CIT: variants seen among roughly 807,000 people sequenced by gnomAD.
The protein encoded by CIT is citron Rho-interacting kinase.
A neutral mutation model predicts 272.7 loss-of-function variants in CIT; 79 were observed. The observed-to-expected ratio is 0.29, with a 90% CI of 0.24 to 0.35. The LOEUF (loss-of-function observed/expected upper bound fraction) is 0.35. Among genes scored for constraint, CIT ranks in the 10% least tolerant of loss-of-function variants. The probability of loss-of-function intolerance (pLI) is 1.00; values close to 1 mark genes in which losing one functional copy is unlikely to be tolerated. For synonymous variants in CIT, 948 were observed against 995.6 expected (o/e 0.95, Z 0.90); for missense variants, 1,909 against 2,618.3 (o/e 0.73, Z 5.91).
At chr12:119,763,123 C>T (rs1962019149) in intron 19 of CIT, among the ~76,000 whole-genome samples, 1 of 152,008 alleles carries the variant, frequency 6.6e-6, no homozygotes, top group African/African-American at 2.4e-5. Context: ...GAAAGATAAA[C>T]AAGATATATG....
chr12:119,769,959 T>C (rs1444575962), intron 18 of CIT, among the ~76,000 whole-genome samples: 1 of 152,096 alleles, frequency 6.6e-6, no homozygotes, highest in East Asian at 1.9e-4. Context: ...CGACCTTGCC[T>C]CCTTAGGGTG....
intron 9 of CIT, among the ~76,000 whole-genome samples, chr12:119,813,462 G>C (rs184268905): frequency 1.3e-5 from 2 of 152,126 alleles, no homozygotes; most frequent in Non-Finnish European, 1.5e-5. Flanking sequence ...TTCACCCTCA[G>C]AAAATGAGCA....
chr12:119,751,292 T>C (rs1183934620), intron 23 of CIT, among the ~76,000 whole-genome samples: 2 of 152,124 alleles, frequency 1.3e-5, no homozygotes, highest in African/African-American at 2.4e-5. Context: ...TCAAGTTAAG[T>C]TGGCATTTCA....
intron 27 of CIT, among the ~76,000 whole-genome samples, chr12:119,729,800 G>A (rs1347860026): frequency 3.3e-5 from 5 of 152,032 alleles, no homozygotes; most frequent in African/African-American, 7.3e-5. Flanking sequence ...AAATCAGATC[G>A]TTATTTTATT....
At chr12:119,775,717 G>T in intron 16 of CIT, 69 bp downstream of exon 16, 2 of 1,240,884 alleles carry the variant, frequency 1.6e-6, no homozygotes, top group Non-Finnish European at 2.4e-6. Flanking sequence ...TCGTGCTCTG[G>T]GACAAGGCAA....
Position 119,735,202 on chromosome 12 carries a change from C to T in CIT, c.3114G>A (p.Arg1038=), listed in dbSNP as rs1185161954. 1.2e-6 allele frequency: 2 copies of T among 1,614,118 alleles called. No homozygotes were observed. The highest frequency in any genetic ancestry group is 8.5e-7 in the Non-Finnish European group (1 of 1,180,024). The change falls in exon 25 of 48, where the codon CGG becomes CGA. Residue 1038 remains arginine, a synonymous_variant. Transcript: ENST00000392521. ...GCTGCATCTCTCGTTCCGTGATCTC[C>T]CGGCGGAGATGGTCCACTTCACTTC... is the stretch of plus-strand genomic sequence containing the variant. ...QLRSEVDHLR[R]EITEREMQLT... is the part of the protein sequence containing the mutation.
intron 27 of CIT, among the ~76,000 whole-genome samples, chr12:119,730,151 A>C (rs903499167): frequency 2.0e-5 from 3 of 152,156 alleles, no homozygotes; most frequent in African/African-American, 7.2e-5. Flanking sequence ...AGAACTTCCC[A>C]AAGATGCACA....
intron 9 of CIT, 48 bp downstream of exon 9, chr12:119,822,770 AGT>A (rs1306330387): frequency 1.3e-6 from 2 of 1,587,670 alleles, no homozygotes; most frequent in Admixed American, 3.4e-5. Context: ...ATCTCTCTTG[AGT>A]GTTTCATAAT....
Position 119,822,805 on chromosome 12 carries a change from A to C in CIT, c.1111+15T>G. ...AATCCCAACATCCCAAATTAAGGAA[A>C]ACAGCCCTACTTACAGTTACGAATG... On this transcript the variant is annotated intron_variant, in intron 9 of 47. Coordinates refer to ENST00000392521, the MANE Select transcript of CIT (RefSeq NM_001206999.2). 1 of 1,613,522 alleles carries C rather than the reference A, an allele frequency of 6.2e-7. No individual in the cohort carries two copies. The highest frequency in any genetic ancestry group is 8.5e-7 in the Non-Finnish European group (1 of 1,179,856).
At chr12:119,874,774 T>C (rs1376143477) in intron 2 of CIT, among the ~76,000 whole-genome samples, 3 of 151,084 alleles carry the variant, frequency 2.0e-5, no homozygotes, top group Admixed American at 2.0e-4. Context: ...TAGTCCCAGC[T>C]ACGTGGGAGG....
chr12:119,761,164 G>C, intron 19 of CIT, 109 bp from the exon 20 acceptor site: 1 of 842,814 alleles, frequency 1.2e-6, no homozygotes, highest in Non-Finnish European at 2.0e-6. Flanking sequence ...GCAGGGGAGA[G>C]GCCCGAGGTC....
intron 7 of CIT, among the ~76,000 whole-genome samples, chr12:119,827,949 G>A (rs141602169): frequency 1.8e-4 from 28 of 152,106 alleles, no homozygotes; most frequent in African/African-American, 6.8e-4. Context: ...GGAATATTCA[G>A]TTCTCCTTAT....
At chr12:119,789,124 A>T (rs1302894540) in intron 10 of CIT, among the ~76,000 whole-genome samples, 1 of 152,196 alleles carries the variant, frequency 6.6e-6, no homozygotes, top group Non-Finnish European at 1.5e-5. Flanking sequence ...CATTCAGACC[A>T]ATTAAATCAG....
At chr12:119,730,660 T>C (rs1275252235) in intron 26 of CIT, 30 bp from the exon 27 acceptor site, 7 of 1,606,350 alleles carry the variant, frequency 4.4e-6, no homozygotes, top group Non-Finnish European at 6.0e-6. Flanking sequence ...CAGCTTTTGG[T>C]AGCCCCCCAA....
chr12:119,776,105 T>C (rs1963722644), intron 15 of CIT, among the ~76,000 whole-genome samples: 1 of 152,158 alleles, frequency 6.6e-6, no homozygotes, highest in African/African-American at 2.4e-5. Flanking sequence ...ATAACAATTT[T>C]CCTATACTTT....
chr12:119,812,652 T>C (rs1433780077), intron 9 of CIT, among the ~76,000 whole-genome samples: 1 of 152,124 alleles, frequency 6.6e-6, no homozygotes, highest in Non-Finnish European at 1.5e-5. Flanking sequence ...TCTTGCTATG[T>C]TGCCCAGGCT....
chr12:119,705,755 G>C (rs1327902325), intron 40 of CIT, among the ~76,000 whole-genome samples: 8 of 110,216 alleles, frequency 7.3e-5, no homozygotes, highest in Non-Finnish European at 1.4e-4. Flanking sequence ...CTGGGTGACA[G>C]AGTGAGACTC....
chr12:119,789,414 A>T (rs1409678878), intron 10 of CIT, among the ~76,000 whole-genome samples: 1 of 152,244 alleles, frequency 6.6e-6, no homozygotes, highest in Non-Finnish European at 1.5e-5. Context: ...ATTTCAAAAC[A>T]ACGTACAGGT....
At chr12:119,744,054 G>A (rs1402294381) in intron 23 of CIT, among the ~76,000 whole-genome samples, 1 of 152,138 alleles carries the variant, frequency 6.6e-6, no homozygotes, top group Non-Finnish European at 1.5e-5. Context: ...GGGAGAAGAG[G>A]ATCAAAATAG....
Sources: gnomAD v4.1 joint callset for allele counts (sites outside exome capture counted in the v4.1 genomes callset) on GRCh38, gnomAD v4.1.1 for gene constraint, MANE v1.5 for transcripts, NCBI Gene and HGNC (gene_info 2026-07-23, HGNC 2026-07-21) for gene names.